Variants in ARHGEF10L observed in about 807,000 individuals in gnomAD.
ARHGEF10L encodes the protein rho guanine nucleotide exchange factor 10-like protein.
A neutral mutation model predicts 141.2 loss-of-function variants in ARHGEF10L; 69 were observed. The observed-to-expected ratio is 0.49, with a 90% CI of 0.40 to 0.60. The LOEUF is 0.60. ARHGEF10L is among the 20% of genes least tolerant of loss of function. The pLI is 0.00. For synonymous variants in ARHGEF10L, 711 were observed against 718.5 expected, an observed-to-expected ratio of 0.99 and a Z score of 0.17; for missense variants, 1,482 against 1,734.3, an observed-to-expected ratio of 0.85 and a Z score of 2.58.
At position 17,603,416 on chromosome 1, in the gene ARHGEF10L, A is replaced by G. The variant is rs2080879135; in HGVS notation, c.350-92A>G. 1 of 973,156 alleles carries G rather than the reference A, an allele frequency of 1.0e-6. No individual in the cohort carries two copies. Among genetic ancestry groups the G allele is most frequent in the Non-Finnish European group, 1.5e-6 (1 of 655,960 alleles). The allele number at this position is 973,156 out of a possible 1,614,324, so 60.3% of individuals were successfully genotyped here. A position where few individuals can be genotyped will look rare whatever the true frequency, so the allele number is the denominator to read the frequency against. On this transcript the variant is annotated intron_variant, in intron 5 of 28. Coordinates refer to ENST00000361221, the MANE Select transcript of ARHGEF10L (RefSeq NM_018125.4). This position sits in a 1 kb window ranked among gnomAD's most constrained non-coding sequence, Gnocchi z 4.8. ...ATCAGAAAGGAGGGTGCTGCGTGCC[A>G]CCAGCTGGTGCAGTCCTGATGTCAT...
At chr1:17,602,241 C>T (rs1025284277) in intron 5 of ARHGEF10L, 23 bp downstream of exon 5, 23 of 1,552,434 alleles carry the variant, frequency 1.5e-5, no homozygotes, top group Non-Finnish European at 1.8e-5. Context: ...TCCGGCCCAC[C>T]GCCCACCCCA....
rs2063425737 is a variant in ARHGEF10L, at chr1:17,673,125, G to T, written c.3009+8530G>T. On this transcript the variant is annotated intron_variant, in intron 26 of 28. Transcript: ENST00000361221. This position sits in a 1 kb window ranked among gnomAD's most constrained non-coding sequence, Gnocchi z 4.1. ...ACCTGGAGCAGGAGGGAACCTGGAGGAAAAAGGGAACCGGTACAGGGAAGG... is the reference window on the plus strand; with the variant it reads ...ACCTGGAGCAGGAGGGAACCTGGAGTAAAAAGGGAACCGGTACAGGGAAGG... 6.6e-6 allele frequency among the ~76,000 whole-genome samples: 1 copy of T among 152,180 alleles called. No homozygotes were observed.
Position 17,616,441 on chromosome 1 carries a change from C to T in ARHGEF10L, c.835+239C>T, listed in dbSNP as rs113482868. Reference sequence around the variant, plus strand: ...GGGAGAGCTGGGCCTCTTCTTTCAGCGTCCCTGCTCCTGCTTTTGTCACGG... The same window carrying T: ...GGGAGAGCTGGGCCTCTTCTTTCAGTGTCCCTGCTCCTGCTTTTGTCACGG... On this transcript the variant is annotated intron_variant, in intron 9 of 28. Transcript: ENST00000361221. Among the ~76,000 whole-genome samples, 447 of 152,310 alleles carry T rather than the reference C, an allele frequency of 2.9e-3. 4 individuals are homozygous for T. Among genetic ancestry groups the T allele is most frequent in the African/African-American group, 0.01 (422 of 41,576 alleles).
intron 1 of ARHGEF10L, among the ~76,000 whole-genome samples, chr1:17,569,102 C>T (rs2077884313): frequency 6.6e-6 from 1 of 152,220 alleles, no homozygotes; most frequent in Admixed American, 6.5e-5. Context: ...ATCTCTCTCC[C>T]TCTCTGAGCC....
intron 26 of ARHGEF10L, among the ~76,000 whole-genome samples, chr1:17,669,181 T>A (rs1260566336): frequency 6.6e-6 from 1 of 152,180 alleles, no homozygotes; most frequent in Non-Finnish European, 1.5e-5. Flanking sequence ...GGGTTTGAGA[T>A]TCTTAGAGCC....
intron 4 of ARHGEF10L, among the ~76,000 whole-genome samples, chr1:17,598,998 C>T (rs1253721037): frequency 3.9e-5 from 6 of 151,970 alleles, no homozygotes; most frequent in Non-Finnish European, 7.4e-5. Flanking sequence ...GCTCAGTTTC[C>T]CCACCTGTAG....
At chr1:17,629,904 G>C (rs1172932996) in intron 15 of ARHGEF10L, among the ~76,000 whole-genome samples, 1 of 152,238 alleles carries the variant, frequency 6.6e-6, no homozygotes, top group Non-Finnish European at 1.5e-5. Context: ...CCTCTTGGGA[G>C]GAGGAAATAA....
At chr1:17,688,281 G>A (rs990306418) in intron 27 of ARHGEF10L, among the ~76,000 whole-genome samples, 1 of 150,826 alleles carries the variant, frequency 6.6e-6, no homozygotes, top group Non-Finnish European at 1.5e-5. Flanking sequence ...GTGTGTAGAT[G>A]AAGTGGACAG....
At chr1:17,622,426 A>AGAATCCCTGAGACAGTGTTT (rs973436423) in intron 11 of ARHGEF10L, among the ~76,000 whole-genome samples, 1 of 152,058 alleles carries the variant, frequency 6.6e-6, no homozygotes, top group African/African-American at 2.4e-5. Context: ...TGCCAACCTG[A>AGAATCCCTGAGACAGTGTTT]GAATCCCTGA....
At chr1:17,657,250 G>A (rs1409998865) in intron 25 of ARHGEF10L, among the ~76,000 whole-genome samples, 2 of 152,242 alleles carry the variant, frequency 1.3e-5, no homozygotes, top group Non-Finnish European at 1.5e-5. Flanking sequence ...GGCTAACCGT[G>A]TTTGGACTGC....
intron 1 of ARHGEF10L, among the ~76,000 whole-genome samples, chr1:17,564,260 G>T (rs1417330970): frequency 1.3e-5 from 2 of 152,180 alleles, no homozygotes; most frequent in South Asian, 2.1e-4. Context: ...CCTGCCCTCA[G>T]CCCCCAGGTG....
chr1:17,655,325 T>A (rs1430113087), intron 23 of ARHGEF10L, among the ~76,000 whole-genome samples: 1 of 151,758 alleles, frequency 6.6e-6, no homozygotes, highest in African/African-American at 2.4e-5. Context: ...CATTTATCCA[T>A]CCAACAAGAA....
intron 26 of ARHGEF10L, among the ~76,000 whole-genome samples, chr1:17,675,032 T>C (rs1178265675): frequency 2.0e-5 from 3 of 152,210 alleles, no homozygotes; most frequent in African/African-American, 7.2e-5. Context: ...AGTTCTTGAC[T>C]GTGGCTTGAG....
chr1:17,579,567 C>T (rs2078388543), intron 1 of ARHGEF10L, among the ~76,000 whole-genome samples: 1 of 152,192 alleles, frequency 6.6e-6, no homozygotes, highest in South Asian at 2.1e-4. Flanking sequence ...GTATCGTTGG[C>T]AATGCAAGAA....
the ARHGEF10L span, among the ~76,000 whole-genome samples, chr1:17,527,375 C>T: frequency 1.3e-5 from 2 of 152,174 alleles, no homozygotes; most frequent in African/African-American, 2.4e-5. Flanking sequence ...GCGGGTGCTC[C>T]ACACACAATT....
chr1:17,544,975 A>T (rs2076865978), intron 1 of ARHGEF10L, among the ~76,000 whole-genome samples: 1 of 152,102 alleles, frequency 6.6e-6, no homozygotes, highest in African/African-American at 2.4e-5. Context: ...GCATGGGGAA[A>T]ACCTGCCCCT....
chr1:17,607,682 C>A lies in ARHGEF10L; in HGVS notation c.434-120C>A, dbSNP rs2081301105. On this transcript the variant is annotated intron_variant, in intron 6 of 28. Transcript: ENST00000361221. This position sits in a 1 kb window ranked among gnomAD's most constrained non-coding sequence, Gnocchi z 4.5. ...AGGAGGTAGAGCTGGAGCCCCAGGG[C>A]CCCCATGTTCTCCCTGACCCCCCCT... 2.0e-6 allele frequency: 2 copies of A among 983,562 alleles called. No individual in the cohort carries two copies. The highest frequency in any genetic ancestry group is 1.4e-6 in the Non-Finnish European group (1 of 718,574). The allele number at this position is 983,562 out of a possible 1,614,324, so 60.9% of individuals were successfully genotyped here.
chr1:17,663,425 C>T lies in ARHGEF10L; in HGVS notation c.2861-1022C>T, dbSNP rs112781098. On this transcript the variant is annotated intron_variant, in intron 25 of 28. Transcript: ENST00000361221. The stretch of plus-strand genomic sequence containing the variant: ...AAAATTAACTGGGTGTGGTGGCGGG[C>T]GCCTATAATCTCAGCTACTTCGGAG... Among the ~76,000 whole-genome samples the T allele has an allele frequency of 4.3e-3, 657 of 152,052 alleles. 3 individuals carry two copies. Among genetic ancestry groups the T allele is most frequent in the African/African-American group, 0.014 (593 of 41,480 alleles).
At chr1:17,670,028 C>T (rs74716423) in intron 26 of ARHGEF10L, among the ~76,000 whole-genome samples, 4,992 of 152,286 alleles carry the variant, frequency 0.033, 198 homozygotes, top group East Asian at 0.09. Context: ...CTCGGCTATG[C>T]GGGTGAGTTG....
Sources: allele counts gnomAD v4.1 joint callset (sites outside exome capture counted in the v4.1 genomes callset), GRCh38; gene constraint gnomAD v4.1.1; non-coding constraint Gnocchi (gnomAD v3.1); transcripts MANE v1.5; gene names NCBI Gene and HGNC (gene_info 2026-07-23, HGNC 2026-07-21).